The following CBFB variants were observed in gnomAD, a reference collection of about 807,000 sequenced individuals.
CBFB encodes core-binding factor subunit beta, also known as CBF-beta.
In CBFB, 9 loss-of-function variants were observed where a neutral mutation model predicts 30.4. The observed-to-expected ratio is 0.30, with a 90% CI of 0.18 to 0.52. CBFB has a LOEUF of 0.52. Among genes scored for constraint, CBFB ranks in the 20% least tolerant of loss-of-function variants. The pLI, the probability that CBFB is intolerant of heterozygous loss-of-function variation, is 0.97. For missense variants in CBFB, 170 were observed against 244.0 expected (o/e 0.70, Z 2.02); for synonymous variants, 94 against 84.0 (o/e 1.12, Z -0.65).
chr16:67,061,981 G>A (rs967326666), intron 3 of CBFB, among the ~76,000 whole-genome samples: 4 of 151,812 alleles, frequency 2.6e-5, no homozygotes, highest in African/African-American at 9.7e-5. Flanking sequence ...GCAGTGAGCC[G>A]AGATCGCACC....
At chr16:67,095,209 TCA>T (rs1962006127) in intron 5 of CBFB, among the ~76,000 whole-genome samples, 2 of 21,132 alleles carry the variant, frequency 9.5e-5, no homozygotes, top group African/African-American at 2.3e-4. Flanking sequence ...AAAGTGTGTC[TCA>T]AAAAAAAAAA....
chr16:67,038,514 T>A (rs1385617075), intron 3 of CBFB, among the ~76,000 whole-genome samples: 1 of 152,036 alleles, frequency 6.6e-6, no homozygotes, highest in Non-Finnish European at 1.5e-5. Context: ...TTTAAAAAAA[T>A]GAGTACTAAG....
intron 3 of CBFB, among the ~76,000 whole-genome samples, chr16:67,045,820 G>C (rs1555535348): frequency 1.4e-5 from 2 of 142,622 alleles, no homozygotes; most frequent in African/African-American, 2.7e-5. Context: ...TTTTGAGACA[G>C]TGTCTTGCTC....
rs573801388 is a variant in CBFB at position 67,033,819 on chromosome 16, G to GTT, written c.166-2801_166-2800dup. Among the ~76,000 whole-genome samples the GTT allele has an allele frequency of 2.1e-3, 195 of 91,694 alleles. 7 individuals are homozygous for GTT. Among genetic ancestry groups the GTT allele is most frequent in the African/African-American group, 5.3e-3 (118 of 22,196 alleles). 60.2% of individuals were successfully genotyped at this position (91,694 alleles called of 152,430 possible). On this transcript the variant is annotated intron_variant, in intron 2 of 5. Transcript: ENST00000412916. The stretch of plus-strand genomic sequence containing the variant: ...TTAGTAGAGACAGAGTTTCACCGTT[G>GTT]TTTTTTTTTTTTTTTTTTTTGAGAC...
chr16:67,047,113 C>T (rs559721573), intron 3 of CBFB, among the ~76,000 whole-genome samples: 3 of 151,428 alleles, frequency 2.0e-5, no homozygotes, highest in East Asian at 1.9e-4. Context: ...AGTTCAAGAC[C>T]AGCTTGGCCA....
At chr16:67,042,513 C>T (rs1442393877) in intron 3 of CBFB, among the ~76,000 whole-genome samples, 1 of 152,142 alleles carries the variant, frequency 6.6e-6, no homozygotes, top group African/African-American at 2.4e-5. Flanking sequence ...TTCAGTCACC[C>T]CCCCAAAGGT....
intron 3 of CBFB, among the ~76,000 whole-genome samples, chr16:67,037,157 A>T (rs1416882275): frequency 6.6e-6 from 1 of 152,156 alleles, no homozygotes; most frequent in African/African-American, 2.4e-5. Context: ...TCTGCCTCCC[A>T]AAGTGTTGGG....
In CBFB at chr16:67,040,381, A is replaced by G. The variant is rs1764219218; in HGVS notation, c.282+3626A>G. Among the ~76,000 whole-genome samples, 3 of 152,328 alleles carry G rather than the reference A, an allele frequency of 2.0e-5. No homozygotes were observed. The South Asian group carries it at 6.2e-4, about 32-fold the overall frequency. ...CAGTTTTGAGGAACTATAGTTGTAA[A>G]GGCTTTAGAGTTAGGCAAAATTGAG... On this transcript the variant is annotated intron_variant, in intron 3 of 5. Coordinates refer to ENST00000412916, the MANE Select transcript of CBFB (RefSeq NM_022845.3).
intron 5 of CBFB, among the ~76,000 whole-genome samples, chr16:67,096,446 C>T (rs930904889): frequency 1.3e-5 from 2 of 151,518 alleles, no homozygotes; most frequent in Non-Finnish European, 1.5e-5. Flanking sequence ...CATATTAGAA[C>T]TTGTGAAGGA....
intron 5 of CBFB, among the ~76,000 whole-genome samples, chr16:67,096,793 A>ATGGT: frequency 6.6e-6 from 1 of 151,630 alleles, no homozygotes; most frequent in Admixed American, 6.6e-5. Flanking sequence ...GCTAACACAA[A>ATGGT]GAAACCCCAT....
At chr16:67,066,843 T>A in intron 4 of CBFB, 45 bp downstream of exon 4, 2 of 1,113,322 alleles carry the variant, frequency 1.8e-6, no homozygotes, top group Non-Finnish European at 2.7e-6. Context: ...CTTTAGTCCC[T>A]AATCTTGCCT....
chr16:67,067,085 A>G (rs752257475), intron 4 of CBFB: 2 of 181,580 alleles, frequency 1.1e-5, no homozygotes, highest in Admixed American at 6.1e-5. Flanking sequence ...TTAGAACACT[A>G]TGAATAGGGA....
intron 5 of CBFB, among the ~76,000 whole-genome samples, chr16:67,085,102 T>TA (rs1567623199): frequency 1.3e-5 from 2 of 152,190 alleles, no homozygotes; most frequent in East Asian, 3.9e-4. Context: ...AGAATACATT[T>TA]AAAAATCAAG....
chr16:67,040,232 A>C (rs1266022497), intron 3 of CBFB, among the ~76,000 whole-genome samples: 1 of 152,182 alleles, frequency 6.6e-6, no homozygotes, highest in African/African-American at 2.4e-5. Context: ...AAATTGAAGG[A>C]ACTTCTCCAA....
intron 2 of CBFB, among the ~76,000 whole-genome samples, chr16:67,036,232 A>G (rs1196539724): frequency 2.6e-5 from 4 of 152,198 alleles, no homozygotes; most frequent in Non-Finnish European, 5.9e-5. Flanking sequence ...AAAGTGTCTC[A>G]TTTATACAAT....
At chr16:67,097,336 G>A (rs907127350) in intron 5 of CBFB, among the ~76,000 whole-genome samples, 3 of 152,032 alleles carry the variant, frequency 2.0e-5, no homozygotes, top group South Asian at 2.1e-4. Context: ...ACCTGAGGTC[G>A]GAAGTTCGAG....
At chr16:67,035,418 TGTTA>T (rs1412588378) in intron 2 of CBFB, among the ~76,000 whole-genome samples, 2 of 152,176 alleles carry the variant, frequency 1.3e-5, no homozygotes, top group African/African-American at 4.8e-5. Flanking sequence ...GTAATATTGA[TGTTA>T]GTTCAGTTTC....
chr16:67,050,881 C>G (rs1245926425), intron 3 of CBFB, among the ~76,000 whole-genome samples: 1 of 152,154 alleles, frequency 6.6e-6, no homozygotes, highest in Non-Finnish European at 1.5e-5. Context: ...TGAACATAAG[C>G]ACTGCCATAC....
intron 4 of CBFB, among the ~76,000 whole-genome samples, chr16:67,070,702 T>A (rs1421494104): frequency 1.3e-5 from 2 of 149,022 alleles, no homozygotes; most frequent in Non-Finnish European, 3.0e-5. Context: ...AAAAAAAAAA[T>A]TAGCCAGCTG....
Sources: gnomAD v4.1 joint callset for allele counts (sites outside exome capture counted in the v4.1 genomes callset) on GRCh38, gnomAD v4.1.1 for gene constraint, MANE v1.5 for transcripts, NCBI Gene and HGNC (gene_info 2026-07-23, HGNC 2026-07-21) for gene names.